The following KCNK1 variants were observed in gnomAD, a reference collection of about 807,000 sequenced individuals.
KCNK1 encodes the protein potassium two pore domain channel subfamily K member 1.
KCNK1 carries 10 observed loss-of-function variants against 22.2 expected under a neutral mutation model. The ratio of observed to expected loss-of-function variants is 0.45; its 90% CI spans 0.28 to 0.76. KCNK1 has a LOEUF of 0.76. Among genes scored for constraint, KCNK1 ranks in the 30% least tolerant of loss-of-function variants. The pLI is 0.14. For synonymous variants in KCNK1, 200 were observed against 186.4 expected, an observed-to-expected ratio of 1.07 and a Z score of -0.60; for missense variants, 378 against 421.0, an observed-to-expected ratio of 0.90 and a Z score of 0.89.
rs757106656 is a variant in KCNK1 at position 233,650,319 on chromosome 1, G to A, written c.356-16276G>A. 5.9e-5 allele frequency among the ~76,000 whole-genome samples: 9 copies of A among 152,240 alleles called. No homozygotes were observed. The East Asian group carries it at 7.7e-4, about 13-fold the overall frequency. ...CACACAGTTCCTCTATATCAGATTC[G>A]TTCCCAAGCACTGTTGTTAAGTCTT... On this transcript the variant is annotated intron_variant, in intron 1 of 2. Coordinates refer to ENST00000366621, the MANE Select transcript of KCNK1 (RefSeq NM_002245.4).
At chr1:233,628,892 T>C (rs781548582) in intron 1 of KCNK1, among the ~76,000 whole-genome samples, 22 of 152,162 alleles carry the variant, frequency 1.4e-4, no homozygotes, top group Non-Finnish European at 2.4e-4. Flanking sequence ...CTGAAGTGAA[T>C]GTGCGGATTG....
At chr1:233,663,282 ATC>A (rs1389421497) in intron 1 of KCNK1, among the ~76,000 whole-genome samples, 1 of 152,212 alleles carries the variant, frequency 6.6e-6, no homozygotes, top group Non-Finnish European at 1.5e-5. Context: ...GTGATTTTTA[ATC>A]TCTTAGTGGG....
rs77328529 is a variant in KCNK1 at position 233,636,186 on chromosome 1, T to C, written c.355+21660T>C. 6.3e-3 allele frequency among the ~76,000 whole-genome samples: 955 copies of C among 152,302 alleles called. 13 individuals are homozygous for C. Among genetic ancestry groups the C allele is most frequent in the African/African-American group, 0.021 (889 of 41,554 alleles). On this transcript the variant is annotated intron_variant, in intron 1 of 2. Coordinates refer to ENST00000366621, the MANE Select transcript of KCNK1 (RefSeq NM_002245.4). ...GCCCTGATAAGGATGTTAGGTTTTGTTGTAAGCAAGTGAAGTTGAGGAGTA... is the reference window on the plus strand; with the variant it reads ...GCCCTGATAAGGATGTTAGGTTTTGCTGTAAGCAAGTGAAGTTGAGGAGTA...
chr1:233,638,261 C>CT (rs1293775872), intron 1 of KCNK1, among the ~76,000 whole-genome samples: 1 of 151,978 alleles, frequency 6.6e-6, no homozygotes, highest in Non-Finnish European at 1.5e-5. Context: ...ACCTGAAGCT[C>CT]TTTCCTGAGG....
chr1:233,619,038 G>A (rs956544429), intron 1 of KCNK1, among the ~76,000 whole-genome samples: 1 of 152,052 alleles, frequency 6.6e-6, no homozygotes, highest in African/African-American at 2.4e-5. Flanking sequence ...ATTTTTTGGA[G>A]ATAGGGTCTC....
intron 2 of KCNK1, among the ~76,000 whole-genome samples, chr1:233,669,194 GT>G (rs1364708749): frequency 1.3e-5 from 2 of 152,030 alleles, no homozygotes; most frequent in Non-Finnish European, 2.9e-5. Flanking sequence ...TGATTGTTTT[GT>G]TTTATTTTAT....
chr1:233,671,408 G>C lies in KCNK1; in HGVS notation c.889G>C (p.Asp297His). ...GGATCAGGTGCACATCATAGAGCAT[G>C]ACCAACTGTCCTTCTCCTCGATCAC... The part of the protein sequence containing the change: ...DEDQVHIIEH[D>H]QLSFSSITDQ... The change falls in exon 3 of 3, where the codon GAC becomes CAC. Residue 297 changes from aspartate to histidine, a missense_variant. Physicochemically the swap from Asp to His is moderately conservative, Grantham distance 81. Transcript: ENST00000366621. The C allele has an allele frequency of 3.7e-6, 6 of 1,614,168 alleles. No individual in the cohort carries two copies. The highest frequency in any genetic ancestry group is 5.1e-6 in the Non-Finnish European group (6 of 1,180,038).
At chr1:233,651,026 A>T (rs1191346969) in intron 1 of KCNK1, among the ~76,000 whole-genome samples, 1 of 152,138 alleles carries the variant, frequency 6.6e-6, no homozygotes, top group Non-Finnish European at 1.5e-5. Flanking sequence ...ATTTAGGACT[A>T]CTTTGCTTTC....
chr1:233,656,053 A>C (rs1488942268), intron 1 of KCNK1, among the ~76,000 whole-genome samples: 1 of 152,196 alleles, frequency 6.6e-6, no homozygotes, highest in African/African-American at 2.4e-5. Flanking sequence ...GAAGGAAACG[A>C]CAGTTTTGTG....
intron 1 of KCNK1, among the ~76,000 whole-genome samples, chr1:233,623,397 A>G (rs1266169705): frequency 6.6e-6 from 1 of 152,212 alleles, no homozygotes; most frequent in Non-Finnish European, 1.5e-5. Context: ...AGTTAACAGT[A>G]ATATATAGTT....
At chr1:233,622,317 G>T (rs977306697) in intron 1 of KCNK1, among the ~76,000 whole-genome samples, 4 of 152,156 alleles carry the variant, frequency 2.6e-5, no homozygotes, top group African/African-American at 9.7e-5. Flanking sequence ...GCACCTGCTG[G>T]CTTTTATTCT....
At chr1:233,640,966 GA>G (rs1400852614) in intron 1 of KCNK1, among the ~76,000 whole-genome samples, 11 of 152,162 alleles carry the variant, frequency 7.2e-5, no homozygotes, top group African/African-American at 1.9e-4. Flanking sequence ...TGGCCTCCCA[GA>G]GTGCTGGGAT....
chr1:233,652,218 T>G lies in KCNK1; in HGVS notation c.356-14377T>G, dbSNP rs143212897. On this transcript the variant is annotated intron_variant, in intron 1 of 2. Transcript: ENST00000366621. ...GGAGCTCCTGCTTGGGTGGGTTAGA[T>G]CTTTGGTTGTTGTCTTAGGTCCATT... 5.1e-4 allele frequency among the ~76,000 whole-genome samples: 78 copies of G among 152,252 alleles called. 1 individual carries two copies. In the East Asian group the frequency reaches 0.015, roughly 28 times the overall value.
At chr1:233,618,538 T>G (rs1029217424) in intron 1 of KCNK1, among the ~76,000 whole-genome samples, 1 of 152,220 alleles carries the variant, frequency 6.6e-6, no homozygotes, top group African/African-American at 2.4e-5. Flanking sequence ...AAAGTTTACT[T>G]CTTTATTCAT....
chr1:233,623,421 AG>A (rs1657626935), intron 1 of KCNK1, among the ~76,000 whole-genome samples: 1 of 152,222 alleles, frequency 6.6e-6, no homozygotes, highest in Non-Finnish European at 1.5e-5. Context: ...AGTCACTAAA[AG>A]AAAGGTATTA....
intron 1 of KCNK1, among the ~76,000 whole-genome samples, chr1:233,633,550 G>A (rs1453638636): frequency 5.3e-5 from 8 of 152,070 alleles, no homozygotes; most frequent in Non-Finnish European, 1.2e-4. Flanking sequence ...TATCAAATAG[G>A]CCTATCTCTC....
At chr1:233,642,650 A>G (rs1424052165) in intron 1 of KCNK1, among the ~76,000 whole-genome samples, 1 of 152,202 alleles carries the variant, frequency 6.6e-6, no homozygotes, top group African/African-American at 2.4e-5. Context: ...GCCTGTGGCC[A>G]TGGGAAGTGA....
intron 1 of KCNK1, among the ~76,000 whole-genome samples, chr1:233,666,235 AAGTGGGT>A: frequency 6.6e-6 from 1 of 152,284 alleles, no homozygotes; most frequent in Middle Eastern, 3.4e-3. Flanking sequence ...GGCCCTGGTG[AAGTGGGT>A]AGCCTCGGAT....
intron 1 of KCNK1, among the ~76,000 whole-genome samples, chr1:233,619,677 C>T (rs954358849): frequency 4.6e-5 from 7 of 151,878 alleles, no homozygotes; most frequent in South Asian, 4.2e-4. Flanking sequence ...TTTGGGAAGC[C>T]GAGGCAGGTG....
Sources: gnomAD v4.1 joint callset for allele counts (sites outside exome capture counted in the v4.1 genomes callset) on GRCh38, gnomAD v4.1.1 for gene constraint, MANE v1.5 for transcripts, NCBI Gene and HGNC (gene_info 2026-07-23, HGNC 2026-07-21) for gene names.